LINGO1: variants seen among roughly 807,000 people sequenced by gnomAD.
LINGO1 encodes leucine rich repeat and Ig domain containing 1.
A neutral mutation model predicts 37.3 loss-of-function variants in LINGO1; 11 were observed. That is an observed-to-expected ratio of 0.29 (90% CI 0.19 to 0.49). The LOEUF is 0.49. Among genes scored for constraint, LINGO1 ranks in the 20% least tolerant of loss-of-function variants. LINGO1 has a pLI of 0.99. For missense variants in LINGO1, 585 were observed against 878.2 expected (o/e 0.67, Z 4.22); for synonymous variants, 387 against 403.0 (o/e 0.96, Z 0.48).
At chr15:77,662,882 C>T (rs2075027999) in intron 3 of LINGO1, among the ~76,000 whole-genome samples, 1 of 152,202 alleles carries the variant, frequency 6.6e-6, no homozygotes, top group South Asian at 2.1e-4. Context: ...CGCACAGAAC[C>T]CACACTCCCT....
chr15:77,734,430 T>C (rs547593486), intron 2 of LINGO1, among the ~76,000 whole-genome samples: 18 of 152,084 alleles, frequency 1.2e-4, no homozygotes, highest in Admixed American at 5.2e-4. Context: ...AGTTGGGGGC[T>C]ACTGGGGTCA....
intron 3 of LINGO1, among the ~76,000 whole-genome samples, chr15:77,658,782 T>G (rs1172274851): frequency 6.6e-6 from 1 of 152,124 alleles, no homozygotes. Context: ...AGCTGAGTCC[T>G]GAACATGATG....
rs763246298 is a variant in LINGO1 at position 77,614,895 on chromosome 15, G to A, written c.1012C>T (p.Arg338Cys). The change falls in exon 2 of 2, where the codon CGC becomes TGC. Residue 338 changes from arginine to cysteine, a missense_variant. This residue lies in a region of LINGO1 where 484 missense variants were observed against 735.0 expected (regional missense o/e 0.66). Transcript: ENST00000355300. Reference protein sequence around the residue: ...PYAFRGLNYLRVLNVSGNQLT... With the variant: ...PYAFRGLNYLCVLNVSGNQLT... Reference sequence around the variant, plus strand: ...TGGTTGCCAGAGACATTGAGCACGCGCAGGTAGTTGAGGCCGCGGAAGGCA... The same window carrying A: ...TGGTTGCCAGAGACATTGAGCACGCACAGGTAGTTGAGGCCGCGGAAGGCA... 17 of 1,613,850 alleles carry A rather than the reference G, an allele frequency of 1.1e-5. No homozygotes were observed. Among genetic ancestry groups the A allele is most frequent in the African/African-American group, 2.7e-5 (2 of 74,926 alleles).
At chr15:77,696,942 C>T (rs540137658), upstream of LINGO1, among the ~76,000 whole-genome samples, 10 of 152,344 alleles carry the variant, frequency 6.6e-5, no homozygotes, top group Non-Finnish European at 1.2e-4. Context: ...CCAGGGCAGC[C>T]GGGCCAGGAA....
chr15:77,790,911 C>T (rs1231898653), upstream of LINGO1, among the ~76,000 whole-genome samples: 1 of 152,168 alleles, frequency 6.6e-6, no homozygotes, highest in Non-Finnish European at 1.5e-5. Context: ...GGTCAGAGGA[C>T]CACGATCTCA....
In LINGO1 at chr15:77,613,452, C is replaced by G. The variant is rs116468146; in HGVS notation, c.*592G>C. On this transcript the variant is annotated 3_prime_UTR_variant, in exon 2 of 2. Transcript: ENST00000355300. ...CCCGGAGCTGGGCCCAGGCCTGCCC[C>G]CTAGCCTGCTCCTGATGGTGCCTGG... 1 of 157,382 alleles carries G rather than the reference C, an allele frequency of 6.4e-6. No homozygotes were observed. Among genetic ancestry groups the G allele is most frequent in the African/African-American group, 2.4e-5 (1 of 41,472 alleles). 9.7% of individuals were successfully genotyped at this position (157,382 alleles called of 1,614,324 possible).
chr15:77,753,487 G>C (rs935573596), intron 1 of LINGO1, among the ~76,000 whole-genome samples: 1 of 152,214 alleles, frequency 6.6e-6, no homozygotes, highest in African/African-American at 2.4e-5. Context: ...CCCTCCCTGG[G>C]GCTGGTGGGC....
At chr15:77,726,874 T>G (rs1271937400) in intron 2 of LINGO1, among the ~76,000 whole-genome samples, 1 of 152,158 alleles carries the variant, frequency 6.6e-6, no homozygotes, top group African/African-American at 2.4e-5. Flanking sequence ...CTAGAATACA[T>G]AAAGAACTTC....
At chr15:77,686,348 C>T (rs1230009223) in intron 2 of LINGO1, among the ~76,000 whole-genome samples, 1 of 152,200 alleles carries the variant, frequency 6.6e-6, no homozygotes, top group Non-Finnish European at 1.5e-5. Flanking sequence ...GCTATGTTCA[C>T]TCAGGCGAGA....
intron 1 of LINGO1, among the ~76,000 whole-genome samples, chr15:77,782,806 T>A (rs2076733531): frequency 6.6e-6 from 1 of 151,908 alleles, no homozygotes; most frequent in Admixed American, 6.6e-5. Flanking sequence ...CTGCTCTCCC[T>A]GCCACAGCCT....
Position 77,779,264 on chromosome 15 carries a change from T to C in LINGO1, c.-257+7605A>G, listed in dbSNP as rs114066472. ...TTATTTATCTTGTTTAATATCTCTC[T>C]CCCCCACTACAGCAGTCCCCAACCT... On this transcript the variant is annotated intron_variant, in intron 1 of 3. Coordinates refer to the LINGO1 transcript ENST00000561686. Among the ~76,000 whole-genome samples the C allele has an allele frequency of 2.5e-3, 387 of 152,034 alleles. 4 individuals are homozygous for C. Among genetic ancestry groups the C allele is most frequent in the African/African-American group, 9.1e-3 (379 of 41,424 alleles).
rs1293186925 is a variant in LINGO1 at position 77,752,476 on chromosome 15, C to T, written c.-256-17423G>A. Among the ~76,000 whole-genome samples the T allele has an allele frequency of 3.9e-5, 6 of 152,224 alleles. No homozygotes were observed. The East Asian group carries it at 5.8e-4, about 15-fold the overall frequency. On this transcript the variant is annotated intron_variant, in intron 1 of 3. Transcript: ENST00000561686. Reference sequence around the variant, plus strand: ...TCGATGGGCAGCAAGAGGCCTTCTCCGGCCCAGCCTCCCCACAGGGCTCTG... The same window carrying T: ...TCGATGGGCAGCAAGAGGCCTTCTCTGGCCCAGCCTCCCCACAGGGCTCTG...
At chr15:77,725,299 T>TA (rs1392359882) in intron 2 of LINGO1, among the ~76,000 whole-genome samples, 1 of 152,232 alleles carries the variant, frequency 6.6e-6, no homozygotes, top group Admixed American at 6.5e-5. Flanking sequence ...CTCATGCCTA[T>TA]AATCCCAACA....
chr15:77,632,371 C>G lies in LINGO1; in HGVS notation c.-56G>C, dbSNP rs2074282769. On this transcript the variant is annotated 5_prime_UTR_variant, in exon 1 of 2. Transcript: ENST00000355300. The surrounding 1 kb of genome is among the most constrained non-coding windows in gnomAD (Gnocchi z 6.0). ...GTCACCAATCGCATGTCTCTCCAGC[C>G]GGCCCGACCAGGCCCCAGCCCCTGC... is the stretch of plus-strand genomic sequence containing the variant. The G allele has an allele frequency of 3.6e-6, 5 of 1,371,852 alleles. No individual in the cohort carries two copies. Among genetic ancestry groups the G allele is most frequent in the Admixed American group, 5.7e-5 (2 of 34,840 alleles). 85.0% of individuals were successfully genotyped at this position (1,371,852 alleles called of 1,614,324 possible).
chr15:77,624,513 C>A (rs2074032408), intron 1 of LINGO1, among the ~76,000 whole-genome samples: 1 of 152,208 alleles, frequency 6.6e-6, no homozygotes, highest in Non-Finnish European at 1.5e-5. Flanking sequence ...AGCCTTCCGG[C>A]CAGCTCGCAG....
chr15:77,740,737 T>G, intron 1 of LINGO1, among the ~76,000 whole-genome samples: 1 of 151,468 alleles, frequency 6.6e-6, no homozygotes, highest in African/African-American at 2.4e-5. Flanking sequence ...GGGTGGGGAG[T>G]CCAGGGCAAC....
chr15:77,749,878 C>A (rs1374717810), intron 1 of LINGO1, among the ~76,000 whole-genome samples: 1 of 152,138 alleles, frequency 6.6e-6, no homozygotes, highest in Admixed American at 6.5e-5. Flanking sequence ...GGGTGCGGAA[C>A]CGGACTTTCT....
chr15:77,649,519 G>A (rs2074711386), intron 3 of LINGO1, among the ~76,000 whole-genome samples: 1 of 152,202 alleles, frequency 6.6e-6, no homozygotes, highest in African/African-American at 2.4e-5. Flanking sequence ...GGGACCAGAA[G>A]AGCAAAGATT....
At chr15:77,681,578 C>T (rs2075414368) in intron 2 of LINGO1, among the ~76,000 whole-genome samples, 1 of 152,194 alleles carries the variant, frequency 6.6e-6, no homozygotes, top group Non-Finnish European at 1.5e-5. Flanking sequence ...GGAGGAGTCC[C>T]TGAATGCAAC....
Sources: allele counts gnomAD v4.1 joint callset (sites outside exome capture counted in the v4.1 genomes callset), GRCh38; gene constraint gnomAD v4.1.1; regional missense constraint gnomAD v4.1.1; non-coding constraint Gnocchi (gnomAD v3.1); transcripts MANE v1.5; gene names NCBI Gene and HGNC (gene_info 2026-07-23, HGNC 2026-07-21).